Variants in ASIC2 observed in about 807,000 individuals in gnomAD.
ASIC2 encodes acid-sensing ion channel 2.
ASIC2 carries 25 observed loss-of-function variants against 57.3 expected under a neutral mutation model. That is an observed-to-expected ratio of 0.44 (90% CI 0.32 to 0.61). The LOEUF is 0.61. Among genes scored for constraint, ASIC2 ranks in the 20% least tolerant of loss-of-function variants. The probability of loss-of-function intolerance (pLI) is 0.06; values close to 1 mark genes in which losing one functional copy is unlikely to be tolerated. For synonymous variants in ASIC2, 319 were observed against 307.5 expected (o/e 1.04, Z -0.39); for missense variants, 641 against 738.1 (o/e 0.87, Z 1.52).
intron 1 of ASIC2, among the ~76,000 whole-genome samples, chr17:33,466,617 A>G (rs1012873559): frequency 3.9e-5 from 6 of 152,238 alleles, no homozygotes; most frequent in African/African-American, 1.4e-4. Flanking sequence ...TACAGTAACC[A>G]AAACAGCATG....
At chr17:34,050,179 T>C (rs917948420) in intron 1 of ASIC2, among the ~76,000 whole-genome samples, 1 of 152,182 alleles carries the variant, frequency 6.6e-6, no homozygotes, top group Admixed American at 6.5e-5. Flanking sequence ...AGAGAAAATA[T>C]AACACAGTCC....
At position 33,416,314 on chromosome 17, in the gene ASIC2, C is replaced by A. The variant is rs1910838924; in HGVS notation, c.556-304247G>T. Reference sequence around the variant, plus strand: ...TGTCTTCCCTCACTGAACAAATTGACCAAGCTTGCACCATTCATCATGGCA... The same window carrying A: ...TGTCTTCCCTCACTGAACAAATTGAACAAGCTTGCACCATTCATCATGGCA... On this transcript the variant is annotated intron_variant, in intron 1 of 9. Coordinates refer to the ASIC2 transcript ENST00000359872. 2.0e-5 allele frequency among the ~76,000 whole-genome samples: 3 copies of A among 152,236 alleles called. No individual in the cohort carries two copies. In the South Asian group the frequency reaches 6.2e-4, roughly 32 times the overall value.
intron 1 of ASIC2, among the ~76,000 whole-genome samples, chr17:33,337,656 C>T (rs1907567071): frequency 6.6e-6 from 1 of 152,166 alleles, no homozygotes; most frequent in Non-Finnish European, 1.5e-5. Context: ...TGGAGATGTT[C>T]TGGAGGGGCA....
chr17:33,179,850 G>T (rs1056777276), intron 1 of ASIC2, among the ~76,000 whole-genome samples: 1 of 152,178 alleles, frequency 6.6e-6, no homozygotes, highest in South Asian at 2.1e-4. Context: ...ATTTGTAATC[G>T]TTTGTTGACA....
intron 1 of ASIC2, among the ~76,000 whole-genome samples, chr17:33,492,982 G>C (rs948376477): frequency 1.3e-5 from 2 of 152,174 alleles, no homozygotes; most frequent in Non-Finnish European, 2.9e-5. Context: ...CCAGAACCTT[G>C]GTTCTTTTTA....
At chr17:33,229,692 C>G (rs942006552) in intron 1 of ASIC2, among the ~76,000 whole-genome samples, 1 of 152,140 alleles carries the variant, frequency 6.6e-6, no homozygotes, top group Non-Finnish European at 1.5e-5. Context: ...GAGCCTGGGA[C>G]GCATGGGAGC....
At chr17:33,788,363 C>T (rs1911667119) in intron 1 of ASIC2, among the ~76,000 whole-genome samples, 2 of 152,102 alleles carry the variant, frequency 1.3e-5, no homozygotes, top group Non-Finnish European at 2.9e-5. Flanking sequence ...GATACCATCT[C>T]ATGCCGACAG....
intron 1 of ASIC2, among the ~76,000 whole-genome samples, chr17:33,228,454 C>T (rs916142926): frequency 1.3e-5 from 2 of 152,232 alleles, no homozygotes; most frequent in Admixed American, 6.5e-5. Flanking sequence ...GGAGGCAGGC[C>T]CATCTGCACG....
intron 1 of ASIC2, among the ~76,000 whole-genome samples, chr17:33,262,818 G>T (rs1567802739): frequency 1.3e-5 from 2 of 152,152 alleles, no homozygotes; most frequent in East Asian, 1.9e-4. Flanking sequence ...AGAGGGAAAA[G>T]GAGGGTCAGA....
In ASIC2 at chr17:33,377,308, C is replaced by T. The variant is rs181760457; in HGVS notation, c.556-265241G>A. Reference sequence around the variant, plus strand: ...TCAAGGGATCCACCTGCCTCAGCCTCCCAAAGTGCTGCAATTACAGGCGTG... The same window carrying T: ...TCAAGGGATCCACCTGCCTCAGCCTTCCAAAGTGCTGCAATTACAGGCGTG... On this transcript the variant is annotated intron_variant, in intron 1 of 9. Transcript: ENST00000359872. Among the ~76,000 whole-genome samples, 14 of 152,350 alleles carry T rather than the reference C, an allele frequency of 9.2e-5. No individual in the cohort carries two copies. In the East Asian group the frequency reaches 2.3e-3, roughly 25 times the overall value.
chr17:33,844,921 AACAGATGTTAAGTAAC>A (rs1398328409), intron 1 of ASIC2, among the ~76,000 whole-genome samples: 1 of 152,242 alleles, frequency 6.6e-6, no homozygotes, highest in African/African-American at 2.4e-5. Flanking sequence ...GATGGGAAAT[AACAGATGTTAAGTAAC>A]ACAGATGTTA....
rs143884456 is a variant in ASIC2 at position 33,514,388 on chromosome 17, C to T, written c.556-402321G>A. 2.1e-4 allele frequency among the ~76,000 whole-genome samples: 32 copies of T among 152,230 alleles called. No individual in the cohort carries two copies. In the East Asian group the frequency reaches 6.0e-3, roughly 29 times the overall value. On this transcript the variant is annotated intron_variant, in intron 1 of 9. Coordinates refer to the ASIC2 transcript ENST00000359872. Reference sequence around the variant, plus strand: ...CTCCATCTCCCCATCCTCTCTTCCACACCCCCCTCAACCTCATCGCGGTCC... The same window carrying T: ...CTCCATCTCCCCATCCTCTCTTCCATACCCCCCTCAACCTCATCGCGGTCC...
chr17:33,467,036 C>CT (rs753125352), intron 1 of ASIC2, among the ~76,000 whole-genome samples: 103 of 152,304 alleles, frequency 6.8e-4, no homozygotes, highest in Admixed American at 2.0e-3. Flanking sequence ...GCAAAAGAAA[C>CT]TACCATCAGA....
rs143889693 is a variant in ASIC2, at chr17:33,445,142, A to T, written c.556-333075T>A. Among the ~76,000 whole-genome samples the T allele has an allele frequency of 7.4e-4, 112 of 152,300 alleles. 1 individual carries two copies. Among genetic ancestry groups the T allele is most frequent in the African/African-American group, 2.6e-3 (109 of 41,572 alleles). ...ATGTGGATAGACCATAATACATGCA[A>T]TCAGAAGACATGGGCTGGGTGCAGT... On this transcript the variant is annotated intron_variant, in intron 1 of 9. Transcript: ENST00000359872.
intron 1 of ASIC2, among the ~76,000 whole-genome samples, chr17:33,462,208 C>T (rs958752277): frequency 6.6e-6 from 1 of 152,172 alleles, no homozygotes; most frequent in Admixed American, 6.5e-5. Flanking sequence ...ACTAATTACT[C>T]CCTGGTACCT....
chr17:33,085,960 T>C (rs553459826), intron 3 of ASIC2, among the ~76,000 whole-genome samples: 5 of 152,270 alleles, frequency 3.3e-5, no homozygotes, highest in East Asian at 1.9e-4. Flanking sequence ...AATACAGACA[T>C]GAATGGGGCT....
chr17:33,450,256 C>A (rs935586045), intron 1 of ASIC2, among the ~76,000 whole-genome samples: 3 of 152,176 alleles, frequency 2.0e-5, no homozygotes, highest in African/African-American at 4.8e-5. Context: ...AGTGAGGAAC[C>A]ATTGTTGTAA....
At chr17:33,821,587 G>A (rs1219700671) in intron 1 of ASIC2, among the ~76,000 whole-genome samples, 1 of 152,194 alleles carries the variant, frequency 6.6e-6, no homozygotes, top group African/African-American at 2.4e-5. Flanking sequence ...AGTCAAACAA[G>A]GAACAGATGA....
intron 1 of ASIC2, among the ~76,000 whole-genome samples, chr17:34,020,928 A>G (rs187700815): frequency 1.3e-5 from 2 of 152,278 alleles, no homozygotes; most frequent in Admixed American, 1.3e-4. Flanking sequence ...AACAATAGAA[A>G]AGTAATACAA....
Sources: gnomAD v4.1 joint callset for allele counts (sites outside exome capture counted in the v4.1 genomes callset) on GRCh38, gnomAD v4.1.1 for gene constraint, MANE v1.5 for transcripts, NCBI Gene and HGNC (gene_info 2026-07-23, HGNC 2026-07-21) for gene names.